Variants in FGF10 observed in about 807,000 individuals in gnomAD.
FGF10 encodes the protein fibroblast growth factor 10, also known as FGF-10.
In FGF10, 2 loss-of-function variants were observed where a neutral mutation model predicts 19.8. The ratio of observed to expected loss-of-function variants is 0.10; its 90% CI spans 0.04 to 0.32. The LOEUF (loss-of-function observed/expected upper bound fraction) is 0.32, where lower values mean the gene tolerates loss of function less well. Ranked by LOEUF, FGF10 falls within the 10% of genes least tolerant of loss-of-function variation. FGF10 has a pLI of 1.00. For missense variants in FGF10, 191 were observed against 246.3 expected, an observed-to-expected ratio of 0.78 and a Z score of 1.50; for synonymous variants, 112 against 94.0, an observed-to-expected ratio of 1.19 and a Z score of -1.10.
chr5:44,376,925 T>C (rs950595485), intron 1 of FGF10, among the ~76,000 whole-genome samples: 1 of 152,026 alleles, frequency 6.6e-6, no homozygotes, highest in Non-Finnish European at 1.5e-5. Flanking sequence ...AAAAATCATG[T>C]CAATGTAATA....
At chr5:44,305,353 T>C (rs1740051955) in intron 2 of FGF10, among the ~76,000 whole-genome samples, 161 bp from the exon 3 acceptor site, 1 of 152,150 alleles carries the variant, frequency 6.6e-6, no homozygotes, top group Non-Finnish European at 1.5e-5. Context: ...GAAAAGTAAA[T>C]CTCAGAACCA....
At chr5:44,340,474 A>G (rs1740944288) in intron 1 of FGF10, among the ~76,000 whole-genome samples, 1 of 152,134 alleles carries the variant, frequency 6.6e-6, no homozygotes, top group African/African-American at 2.4e-5. Flanking sequence ...TGAAAGTTCA[A>G]TGACATTATA....
At chr5:44,363,504 T>C (rs17234043) in intron 1 of FGF10, among the ~76,000 whole-genome samples, 2 of 151,872 alleles carry the variant, frequency 1.3e-5, no homozygotes, top group East Asian at 3.9e-4. Flanking sequence ...ATGCTCTAAA[T>C]TTTCTGTTAT....
At chr5:44,348,298 G>A (rs1202912901) in intron 1 of FGF10, among the ~76,000 whole-genome samples, 2 of 151,608 alleles carry the variant, frequency 1.3e-5, no homozygotes, top group East Asian at 3.9e-4. Flanking sequence ...TATTCCATAA[G>A]TATTAAACAA....
intron 1 of FGF10, among the ~76,000 whole-genome samples, chr5:44,366,081 A>C (rs1467323378): frequency 6.8e-6 from 1 of 146,284 alleles, no homozygotes; most frequent in Admixed American, 6.9e-5. Context: ...ATTTTAGCCA[A>C]TCCAATGTTA....
intron 2 of FGF10, among the ~76,000 whole-genome samples, chr5:44,306,500 T>G (rs986463902): frequency 2.0e-5 from 3 of 150,576 alleles, no homozygotes; most frequent in African/African-American, 7.3e-5. Context: ...ACTTGCCCTC[T>G]GGTTCTATCT....
intron 1 of FGF10, among the ~76,000 whole-genome samples, chr5:44,321,923 C>T (rs143594426): frequency 3.9e-4 from 60 of 152,158 alleles, no homozygotes; most frequent in Admixed American, 1.4e-3. Flanking sequence ...TCACCATGCC[C>T]GGCTAATTTT....
At position 44,388,891 on chromosome 5, in the gene FGF10, G is replaced by A. The variant is rs1330454640; in HGVS notation, c.-209C>T. On this transcript the variant is annotated 5_prime_UTR_variant, in exon 1 of 3. Transcript: ENST00000264664. Reference sequence around the variant, plus strand: ...CCCTCGCTCCTTTCTCGGATCCGCTGCCTACGCCTCTGGAGCCTCCCGGTA... The same window carrying A: ...CCCTCGCTCCTTTCTCGGATCCGCTACCTACGCCTCTGGAGCCTCCCGGTA... 3.2e-6 allele frequency: 2 copies of A among 634,108 alleles called. No individual in the cohort carries two copies. Among genetic ancestry groups the A allele is most frequent in the Admixed American group, 2.3e-5 (1 of 42,978 alleles). The allele number at this position is 634,108 out of a possible 1,614,324, so 39.3% of individuals were successfully genotyped here.
chr5:44,332,623 G>T (rs1004888542), intron 1 of FGF10, among the ~76,000 whole-genome samples: 1 of 152,088 alleles, frequency 6.6e-6, no homozygotes, highest in East Asian at 1.9e-4. Context: ...TTAAAATAGC[G>T]CTTCTCAAGC....
At chr5:44,313,041 T>G (rs1276308443) in intron 1 of FGF10, among the ~76,000 whole-genome samples, 1 of 152,004 alleles carries the variant, frequency 6.6e-6, no homozygotes, top group African/African-American at 2.4e-5. Flanking sequence ...AATCAACCAT[T>G]TTTTTTCCAC....
chr5:44,312,196 AC>A, intron 1 of FGF10, among the ~76,000 whole-genome samples: 1 of 988 alleles, frequency 1.0e-3, no homozygotes, highest in Non-Finnish European at 0.028. Flanking sequence ...TCCCTAAGGT[AC>A]ACACACACAC....
chr5:44,303,028 C>A lies in FGF10; in HGVS notation c.*1967G>T, dbSNP rs1005509681. On this transcript the variant is annotated 3_prime_UTR_variant, in exon 3 of 3. Transcript: ENST00000264664. ...CATTATAGCTCACAGACTGAGTTACCAATTAAATTTTAACATCCAGATTCC... is the reference window on the plus strand; with the variant it reads ...CATTATAGCTCACAGACTGAGTTACAAATTAAATTTTAACATCCAGATTCC... 6.6e-6 allele frequency among the ~76,000 whole-genome samples: 1 copy of A among 152,028 alleles called. No homozygotes were observed. The highest frequency in any genetic ancestry group is 1.5e-5 in the Non-Finnish European group (1 of 68,014).
intron 1 of FGF10, among the ~76,000 whole-genome samples, chr5:44,315,793 C>T (rs182054354): frequency 6.6e-6 from 1 of 152,242 alleles, no homozygotes; most frequent in Non-Finnish European, 1.5e-5. Context: ...ACTTAGGGAG[C>T]TCCTTGGGGT....
At chr5:44,331,743 G>C (rs1447828704) in intron 1 of FGF10, among the ~76,000 whole-genome samples, 1 of 151,950 alleles carries the variant, frequency 6.6e-6, no homozygotes, top group Non-Finnish European at 1.5e-5. Context: ...AAATACATGT[G>C]GGATTGAAAA....
intron 1 of FGF10, among the ~76,000 whole-genome samples, chr5:44,373,584 A>G (rs1270567773): frequency 6.6e-6 from 1 of 152,074 alleles, no homozygotes; most frequent in East Asian, 1.9e-4. Flanking sequence ...GTTCAGCTAC[A>G]TTTCTGTAGC....
chr5:44,372,141 A>C (rs1741754642), intron 1 of FGF10, among the ~76,000 whole-genome samples: 1 of 152,118 alleles, frequency 6.6e-6, no homozygotes, highest in Non-Finnish European at 1.5e-5. Flanking sequence ...GCTGAAATTA[A>C]GGTGTTGGCA....
chr5:44,377,992 T>C (rs990556533), intron 1 of FGF10, among the ~76,000 whole-genome samples: 10 of 152,230 alleles, frequency 6.6e-5, no homozygotes, highest in African/African-American at 2.4e-4. Context: ...TAAATGCTAC[T>C]GATAAGCAAT....
rs553355762 is a variant in FGF10, at chr5:44,370,843, C to G, written c.325+17515G>C. Among the ~76,000 whole-genome samples, 12 of 151,976 alleles carry G rather than the reference C, an allele frequency of 7.9e-5. No homozygotes were observed. The East Asian group carries it at 9.7e-4, about 12-fold the overall frequency. On this transcript the variant is annotated intron_variant, in intron 1 of 2. Coordinates refer to ENST00000264664, the MANE Select transcript of FGF10 (RefSeq NM_004465.2). ...GTTAATAAATTTTAGGAGAGTTGTA[C>G]TATGTATTATGGAAACATTTTGAGA...
intron 1 of FGF10, among the ~76,000 whole-genome samples, chr5:44,330,548 T>C (rs1740708972): frequency 6.6e-6 from 1 of 152,208 alleles, no homozygotes; most frequent in South Asian, 2.1e-4. Flanking sequence ...AGTGTGTCAC[T>C]AATATTACTG....
Sources: gnomAD v4.1 joint callset for allele counts (sites outside exome capture counted in the v4.1 genomes callset) on GRCh38, gnomAD v4.1.1 for gene constraint, MANE v1.5 for transcripts, NCBI Gene and HGNC (gene_info 2026-07-23, HGNC 2026-07-21) for gene names.